CNIH2: variants seen among roughly 807,000 people sequenced by gnomAD.
CNIH2 encodes the protein cornichon family AMPA receptor auxiliary protein 2, also known as protein cornichon homolog 2.
CNIH2 carries 8 observed loss-of-function variants against 22.9 expected under a neutral mutation model. That is an observed-to-expected ratio of 0.35 (90% CI 0.20 to 0.63). The LOEUF (loss-of-function observed/expected upper bound fraction) is 0.63, where lower values mean the gene tolerates loss of function less well. Among genes scored for constraint, CNIH2 ranks in the 30% least tolerant of loss-of-function variants. The probability of loss-of-function intolerance (pLI) is 0.72; values close to 1 mark genes in which losing one functional copy is unlikely to be tolerated. For missense variants in CNIH2, 105 were observed against 206.2 expected (o/e 0.51, Z 3.01); for synonymous variants, 74 against 78.2 (o/e 0.95, Z 0.28).
In CNIH2 at chr11:66,282,754, G is replaced by A. The variant is rs936251788; in HGVS notation, c.172G>A (p.Glu58Lys). ...ACAGCGCGAGCGTTTAAAAAACATC[G>A]AACGCATCTGCTGCCTCCTGAGGAA... ...ARARERLKNI[E>K]RICCLLRKLV... The change falls in exon 3 of 6, where the codon GAA becomes AAA. Residue 58 changes from glutamate (E) to lysine (K), a missense_variant. By Grantham distance (56) the Glu-to-Lys change is moderately conservative (BLOSUM62 1). Transcript: ENST00000311445. 1 of 1,613,374 alleles carries A rather than the reference G, an allele frequency of 6.2e-7. No homozygotes were observed. The highest frequency in any genetic ancestry group is 8.5e-7 in the Non-Finnish European group (1 of 1,179,874).
At chr11:66,279,827 A>T (rs1466990382) in intron 1 of CNIH2, among the ~76,000 whole-genome samples, 1 of 152,000 alleles carries the variant, frequency 6.6e-6, no homozygotes, top group Non-Finnish European at 1.5e-5. Flanking sequence ...CACACACCCC[A>T]GCTCCAGCCC....
chr11:66,282,823 T>C lies in CNIH2; in HGVS notation c.198+43T>C, dbSNP rs757823389. The C allele has an allele frequency of 1.6e-5, 25 of 1,586,512 alleles. No individual in the cohort carries two copies. In the South Asian group the frequency reaches 1.9e-4, roughly 12 times the overall value. On this transcript the variant is annotated intron_variant, in intron 3 of 5. Transcript: ENST00000311445. ...GGGCAGGAGGCTCCTAGCCCAGCGC[T>C]GCCCCCACTGTCTGTGGCCCAGAAC...
chr11:66,282,837 G>C, intron 3 of CNIH2, 57 bp downstream of exon 3: 1 of 1,572,812 alleles, frequency 6.4e-7, no homozygotes, highest in Non-Finnish European at 8.7e-7. Flanking sequence ...CCCACTGTCT[G>C]TGGCCCAGAA....
At chr11:66,281,591 G>A (rs993837355) in intron 1 of CNIH2, 71 of 411,026 alleles carry the variant, frequency 1.7e-4, no homozygotes, top group African/African-American at 1.4e-3. Context: ...CCAAACTCCT[G>A]CTCTGGCCTC....
At chr11:66,282,397 T>A in intron 2 of CNIH2, 70 bp downstream of exon 2, 1 of 157,730 alleles carries the variant, frequency 6.3e-6, no homozygotes, top group Non-Finnish European at 1.0e-5. Context: ...GGGCTGGGGG[T>A]GGGAGACGGG....
At chr11:66,279,795 T>G (rs530871934) in intron 1 of CNIH2, among the ~76,000 whole-genome samples, 433 of 152,146 alleles carry the variant, frequency 2.8e-3, no homozygotes, top group African/African-American at 1.0e-2. Flanking sequence ...GTGTGAAGAG[T>G]GAGCCCCCAA....
In CNIH2 at chr11:66,278,269, C is replaced by G. The variant is rs1231138272; in HGVS notation, c.-188C>G. 1 of 147,298 alleles carries G rather than the reference C, an allele frequency of 6.8e-6. No homozygotes were observed. Among genetic ancestry groups the G allele is most frequent in the African/African-American group, 2.4e-5 (1 of 40,898 alleles). 9.1% of individuals were successfully genotyped at this position (147,298 alleles called of 1,614,324 possible). A position where few individuals can be genotyped will look rare whatever the true frequency, so the allele number is the denominator to read the frequency against. On this transcript the variant is annotated 5_prime_UTR_variant, in exon 1 of 6. Coordinates refer to ENST00000311445, the MANE Select transcript of CNIH2 (RefSeq NM_182553.3). Reference sequence around the variant, plus strand: ...GCCCGGGCAGCCGGCAGCGGACGCGCCCCCCGAGCCCACCGGCCCGCGCCC... The same window carrying G: ...GCCCGGGCAGCCGGCAGCGGACGCGGCCCCCGAGCCCACCGGCCCGCGCCC...
intron 2 of CNIH2, 91 bp downstream of exon 2, chr11:66,282,418 T>TGGGGGGGGGGGGG: frequency 1.2e-5 from 2 of 161,820 alleles, no homozygotes; most frequent in East Asian, 1.1e-4. Context: ...AAGACGGGGG[T>TGGGGGGGGGGGGG]GGGGTGGGGG....
intron 1 of CNIH2, among the ~76,000 whole-genome samples, chr11:66,278,914 T>TGCCC (rs1555005503): frequency 1.4e-4 from 6 of 42,058 alleles, no homozygotes; most frequent in African/African-American, 7.7e-4. Flanking sequence ...GTCTGTCTGC[T>TGCCC]GCCCCCCCCC....
chr11:66,281,551 T>C, intron 1 of CNIH2: 1 of 439,840 alleles, frequency 2.3e-6, no homozygotes, highest in Non-Finnish European at 4.6e-6. Context: ...CTTCAATGCC[T>C]CCCCCCAAAA....
rs1857190601 is a variant in CNIH2, at chr11:66,278,230, G to A, written c.-227G>A. The A allele has an allele frequency of 1.4e-5, 2 of 147,724 alleles. No individual in the cohort carries two copies. 9.2% of individuals were successfully genotyped at this position (147,724 alleles called of 1,614,324 possible). On this transcript the variant is annotated 5_prime_UTR_variant, in exon 1 of 6. Coordinates refer to ENST00000311445, the MANE Select transcript of CNIH2 (RefSeq NM_182553.3). ...GGGAGCCGCGGGCGAGGGATCGCAG[G>A]ATGAGCGATCGGGGCCCGGGCAGCC...
At chr11:66,281,737 C>T (rs1857261393) in intron 1 of CNIH2, among the ~76,000 whole-genome samples, 3 of 152,086 alleles carry the variant, frequency 2.0e-5, no homozygotes, top group African/African-American at 7.2e-5. Context: ...ACCTTTCACC[C>T]CTCTGCCATT....
At position 66,282,296 on chromosome 11, in the gene CNIH2, A is replaced by C. The variant is rs748680299; in HGVS notation, c.119A>C (p.Asn40Thr). ...AFDELRTDFKNPIDQGNPARA... is the reference protein window; with the variant it reads ...AFDELRTDFKTPIDQGNPARA... ...GATGAGCTGCGGACCGACTTCAAGA[A>C]CCCCATCGACCAGGGGAACCCTGCG... Residue 40 changes from asparagine (N) to threonine (T), a missense_variant, in exon 2 of 6, where the codon AAC (asparagine) becomes ACC (threonine). Physicochemically the swap from Asn to Thr is moderately conservative, Grantham distance 65 (BLOSUM62 0). Transcript: ENST00000311445. 6.2e-7 allele frequency: 1 copy of C among 1,612,550 alleles called. No individual in the cohort carries two copies. Among genetic ancestry groups the C allele is most frequent in the African/African-American group, 1.3e-5 (1 of 74,628 alleles).
intron 1 of CNIH2, among the ~76,000 whole-genome samples, chr11:66,281,099 T>C (rs1395739977): frequency 6.6e-6 from 1 of 152,122 alleles, no homozygotes; most frequent in Admixed American, 6.5e-5. Context: ...CCCTCTGGAG[T>C]CTGGCTCCTA....
chr11:66,281,830 C>A (rs993804436), intron 1 of CNIH2, among the ~76,000 whole-genome samples: 1 of 151,996 alleles, frequency 6.6e-6, no homozygotes, highest in Non-Finnish European at 1.5e-5. Flanking sequence ...CCTCACCCCC[C>A]ACACAGGGTT....
chr11:66,282,854 C>T, intron 3 of CNIH2, 74 bp downstream of exon 3: 2 of 1,528,200 alleles, frequency 1.3e-6, no homozygotes, highest in Non-Finnish European at 1.8e-6. Flanking sequence ...AGAACCAGGC[C>T]TTCCCCTGCT....
At chr11:66,282,429 G>GGGGGAGGGGGGGGGGGGGGGGGGGC in intron 2 of CNIH2, 102 bp downstream of exon 2, 1 of 479,466 alleles carries the variant, frequency 2.1e-6, no homozygotes. Context: ...GGGGTGGGGG[G>GGGGGAGGGGGGGGGGGGGGGGGGGC]CCTACGGCCA....
chr11:66,282,171 C>T (rs1857267210), intron 1 of CNIH2, 88 bp from the exon 2 acceptor site: 5 of 1,177,968 alleles, frequency 4.2e-6, no homozygotes, highest in Non-Finnish European at 5.1e-6. Context: ...CCTGGCTGGT[C>T]CTCTTCAGTA....
At chr11:66,282,494 C>A (rs1182338451) in intron 2 of CNIH2, 167 bp downstream of exon 2, 2 of 934,686 alleles carry the variant, frequency 2.1e-6, no homozygotes, top group Non-Finnish European at 3.3e-6. Context: ...GGGCTCAGGG[C>A]TGAGTTCCTC....
Sources: gnomAD v4.1 joint callset for allele counts (sites outside exome capture counted in the v4.1 genomes callset) on GRCh38, gnomAD v4.1.1 for gene constraint, MANE v1.5 for transcripts, NCBI Gene and HGNC (gene_info 2026-07-23, HGNC 2026-07-21) for gene names.